C1orf94: variants seen among roughly 807,000 people sequenced by gnomAD.
The protein encoded by C1orf94 is chromosome 1 open reading frame 94.
A neutral mutation model predicts 53.6 loss-of-function variants in C1orf94; 45 were observed. The observed-to-expected ratio is 0.84, with a 90% CI of 0.66 to 1.08. The LOEUF is 1.08. Among genes scored for constraint, C1orf94 ranks in the 50% least tolerant of loss-of-function variants. C1orf94 has a pLI of 0.00. For synonymous variants in C1orf94, 304 were observed against 296.1 expected (o/e 1.03, Z -0.27); for missense variants, 762 against 738.9 (o/e 1.03, Z -0.36).
chr1:34,188,663 T>C (rs942004084), intron 1 of C1orf94, among the ~76,000 whole-genome samples: 3 of 152,170 alleles, frequency 2.0e-5, no homozygotes, highest in African/African-American at 7.2e-5. Flanking sequence ...ATAGCGCTCG[T>C]TACAATTTAC....
chr1:34,197,343 C>T lies in C1orf94; in HGVS notation c.439C>T (p.Pro147Ser). Residue 147 changes from proline to serine, a missense_variant, in exon 2 of 7, where the codon CCC (proline) becomes TCC (serine). Physicochemically the swap from Pro to Ser is moderately conservative, Grantham distance 74. Transcript: ENST00000488417. This position sits in a 1 kb window ranked among gnomAD's most constrained non-coding sequence, Gnocchi z 4.1. ...VEESSGELEV[P>S]GSSPEGTREL... ...AGAGAGTTCTGGGGAGCTGGAGGTA[C>T]CCGGCAGCTCTCCCGAGGGGACCAG... The T allele has an allele frequency of 1.3e-6, 2 of 1,593,972 alleles. No homozygotes were observed. The highest frequency in any genetic ancestry group is 1.1e-5 in the South Asian group (1 of 88,890).
chr1:34,175,639 G>T (rs749798646), upstream of C1orf94, among the ~76,000 whole-genome samples: 11 of 152,036 alleles, frequency 7.2e-5, no homozygotes, highest in African/African-American at 9.7e-5. Flanking sequence ...TGCGTATTGG[G>T]CACCTACTGT....
Position 34,197,753 on chromosome 1 carries a change from C to T in C1orf94, c.849C>T (p.Pro283=), listed in dbSNP as rs753421284. ...NLFSGPGPKE[P]TGLSPFLLLP... ...TCAGTGGCCCTGGACCCAAGGAGCCCACAGGGCTGAGCCCATTTCTGCTGC... is the reference window on the plus strand; with the variant it reads ...TCAGTGGCCCTGGACCCAAGGAGCCTACAGGGCTGAGCCCATTTCTGCTGC... Residue 283 remains proline, a synonymous_variant, in exon 2 of 7, where the codon CCC becomes CCT. Coordinates refer to ENST00000488417, the MANE Select transcript of C1orf94 (RefSeq NM_001134734.2). This position sits in a 1 kb window ranked among gnomAD's most constrained non-coding sequence, Gnocchi z 4.1. 6.8e-6 allele frequency: 11 copies of T among 1,614,174 alleles called. No individual in the cohort carries two copies. Among genetic ancestry groups the T allele is most frequent in the Non-Finnish European group, 9.3e-6 (11 of 1,180,022 alleles).
Position 34,202,074 on chromosome 1 carries a change from T to C in C1orf94, c.1271-10T>C. 1.9e-6 allele frequency: 3 copies of C among 1,611,848 alleles called. No homozygotes were observed. The highest frequency in any genetic ancestry group is 2.5e-6 in the Non-Finnish European group (3 of 1,178,850). ...TCACTGACCCGCTTTGCCTCTCCTGTGACTTGCAGTTAACGCACCTGTGAC... is the reference window on the plus strand; with the variant it reads ...TCACTGACCCGCTTTGCCTCTCCTGCGACTTGCAGTTAACGCACCTGTGAC... On this transcript the variant is annotated splice_polypyrimidine_tract_variant and intron_variant, in intron 3 of 6. Transcript: ENST00000488417.
At chr1:34,186,122 A>G (rs779630771) in intron 1 of C1orf94, among the ~76,000 whole-genome samples, 3 of 152,188 alleles carry the variant, frequency 2.0e-5, no homozygotes, top group Non-Finnish European at 4.4e-5. Flanking sequence ...GAAATAAACA[A>G]CTATGTCCCA....
rs1642236857 is a variant in C1orf94 at position 34,177,042 on chromosome 1, T to C, written c.-748T>C. ...CTGCCTTGCCGAGTCAGCGCGCTCT[T>C]GAGCCGCTGGGCCCTTCCCGGTGCC... On this transcript the variant is annotated 5_prime_UTR_variant, in exon 1 of 7. Coordinates refer to ENST00000488417, the MANE Select transcript of C1orf94 (RefSeq NM_001134734.2). Among the ~76,000 whole-genome samples the C allele has an allele frequency of 6.6e-6, 1 of 152,160 alleles. No homozygotes were observed. The highest frequency in any genetic ancestry group is 1.5e-5 in the Non-Finnish European group (1 of 68,022).
At position 34,212,325 on chromosome 1, in the gene C1orf94, C is replaced by T. The variant is rs1356125488; in HGVS notation, c.1640C>T (p.Pro547Leu). ...AATTATCCCTACCCTCAGAGGACAC[C>T]TCCAAAGATGTCTGCCAACCCCCGA... is the stretch of plus-strand genomic sequence containing the variant. The part of the protein sequence containing the change: ...QPNYPYPQRT[P>L]PKMSANPRDP... The change falls in exon 6 of 7, where the codon CCT becomes CTT. Residue 547 changes from proline to leucine, a missense_variant. Physicochemically the swap from Pro to Leu is moderately conservative, Grantham distance 98. Coordinates refer to ENST00000488417, the MANE Select transcript of C1orf94 (RefSeq NM_001134734.2). 3 of 1,613,736 alleles carry T rather than the reference C, an allele frequency of 1.9e-6. No homozygotes were observed. The African/African-American group carries it at 4.0e-5, about 22-fold the overall frequency.
At position 34,171,822 on chromosome 1, in the gene C1orf94, GT is replaced by G. The variant is rs557405663; in HGVS notation, c.-251+4652del. Among the ~76,000 whole-genome samples the G allele has an allele frequency of 2.4e-4, 37 of 152,148 alleles. 1 individual carries two copies. The highest frequency in any genetic ancestry group is 1.2e-3 in the Admixed American group (19 of 15,284). On this transcript the variant is annotated intron_variant, in intron 1 of 6. Transcript: ENST00000373374. ...GAAAACAAAAACTCTGCCACCCGAC[GT>G]GTTTCCATTTTTGCTTTAGCTGACA...
chr1:34,177,775 C>A lies in C1orf94; in HGVS notation c.-15C>A. ...CACTTCTGCCAAGCCCCATCCTCAT[C>A]TCCCTTTCTGGTGAATGAGGGGTGG... On this transcript the variant is annotated 5_prime_UTR_variant, in exon 1 of 7. Transcript: ENST00000488417. The A allele has an allele frequency of 1.3e-6, 2 of 1,519,660 alleles. No individual in the cohort carries two copies. The highest frequency in any genetic ancestry group is 1.8e-6 in the Non-Finnish European group (2 of 1,127,146). The allele number at this position is 1,519,660 out of a possible 1,614,324, so 94.1% of individuals were successfully genotyped here.
chr1:34,189,829 TCTGGCCC>T (rs1642453795), intron 1 of C1orf94, among the ~76,000 whole-genome samples: 2 of 152,248 alleles, frequency 1.3e-5, no homozygotes, highest in Admixed American at 6.5e-5. Context: ...GCTCCTGGCC[TCTGGCCC>T]TGCCTGAAAC....
Position 34,177,989 on chromosome 1 carries a change from A to G in C1orf94, c.200A>G (p.His67Arg). Residue 67 changes from histidine (H) to arginine (R), a missense_variant, in exon 1 of 7, where the codon CAT becomes CGT. Coordinates refer to ENST00000488417, the MANE Select transcript of C1orf94 (RefSeq NM_001134734.2). ...TPQDSLDKTC[H>R]EIWKRVQGLP... The stretch of plus-strand genomic sequence containing the variant: ...CAAGACAGCCTAGACAAGACTTGCC[A>G]TGAAATCTGGAAGAGAGTTCAAGGC... The G allele has an allele frequency of 6.4e-7, 1 of 1,551,734 alleles. No homozygotes were observed. The highest frequency in any genetic ancestry group is 8.7e-7 in the Non-Finnish European group (1 of 1,146,996).
Position 34,197,896 on chromosome 1 carries a change from A to C in C1orf94, c.992A>C (p.Glu331Ala). Residue 331 changes from glutamate to alanine, a missense_variant, in exon 2 of 7, where the codon GAG (glutamate) becomes GCG (alanine). Coordinates refer to ENST00000488417, the MANE Select transcript of C1orf94 (RefSeq NM_001134734.2). The surrounding 1 kb of genome is among the most constrained non-coding windows in gnomAD (Gnocchi z 4.1). Reference sequence around the variant, plus strand: ...AAGCCCAAGGCTGACCCTGCTGTGGAGAGGCACCACTTGATGGGTGAGTGG... The same window carrying C: ...AAGCCCAAGGCTGACCCTGCTGTGGCGAGGCACCACTTGATGGGTGAGTGG... ...CSKPKADPAV[E>A]RHHLMEWSPG... 1 of 1,613,660 alleles carries C rather than the reference A, an allele frequency of 6.2e-7. No homozygotes were observed. Among genetic ancestry groups the C allele is most frequent in the Admixed American group, 1.7e-5 (1 of 59,994 alleles).
chr1:34,202,339 A>G, intron 4 of C1orf94, 80 bp downstream of exon 4: 1 of 1,485,002 alleles, frequency 6.7e-7, no homozygotes, highest in Admixed American at 1.9e-5. Context: ...CAGGGGGTCT[A>G]TTTCACAGAG....
chr1:34,218,871 C>A lies in C1orf94; in HGVS notation c.*110C>A, dbSNP rs890390048. The A allele has an allele frequency of 1.6e-5, 14 of 886,802 alleles. No individual in the cohort carries two copies. Among genetic ancestry groups the A allele is most frequent in the African/African-American group, 3.4e-5 (2 of 59,374 alleles). 54.9% of individuals were successfully genotyped at this position (886,802 alleles called of 1,614,324 possible). On this transcript the variant is annotated 3_prime_UTR_variant, in exon 7 of 7. Transcript: ENST00000488417. ...AAGTTTGGAAAAGCAAGGTTCTGAC[C>A]AGGTCACAGACAAAACAGCAAGACC...
intron 1 of C1orf94, among the ~76,000 whole-genome samples, chr1:34,180,363 T>G (rs1642295167): frequency 6.6e-6 from 1 of 152,240 alleles, no homozygotes; most frequent in African/African-American, 2.4e-5. Context: ...TTCAAACACA[T>G]AGAATAATAA....
chr1:34,176,775 T>G (rs542270492), upstream of C1orf94, among the ~76,000 whole-genome samples: 2 of 152,266 alleles, frequency 1.3e-5, no homozygotes, highest in South Asian at 4.1e-4. Context: ...CTGAGATTTG[T>G]GTGGAGCGGC....
chr1:34,199,616 C>T (rs1369182330), intron 2 of C1orf94, among the ~76,000 whole-genome samples: 5 of 152,218 alleles, frequency 3.3e-5, no homozygotes, highest in African/African-American at 4.8e-5. Flanking sequence ...AGACAGATCC[C>T]GGTGCCTGCT....
chr1:34,204,759 T>A (rs1376148347), intron 4 of C1orf94, among the ~76,000 whole-genome samples: 1 of 152,156 alleles, frequency 6.6e-6, no homozygotes, highest in East Asian at 1.9e-4. Context: ...TCAGGTGTGG[T>A]GGCATGTGCC....
rs189668503 is a variant in C1orf94, at chr1:34,212,546, G to A, written c.1721+140G>A. The A allele has an allele frequency of 1.1e-4, 93 of 878,736 alleles. No individual in the cohort carries two copies. In the African/African-American group the frequency reaches 1.5e-3, roughly 14 times the overall value. The allele number at this position is 878,736 out of a possible 1,614,324, so 54.4% of individuals were successfully genotyped here. ...GGGATGGGCCCTGTACCTGTGGCTGGTGGTTGTGTGGGTCCTGGAGGGACC... is the reference window on the plus strand; with the variant it reads ...GGGATGGGCCCTGTACCTGTGGCTGATGGTTGTGTGGGTCCTGGAGGGACC... On this transcript the variant is annotated intron_variant, in intron 6 of 6. Transcript: ENST00000488417.
Sources: allele counts gnomAD v4.1 joint callset (sites outside exome capture counted in the v4.1 genomes callset), GRCh38; gene constraint gnomAD v4.1.1; non-coding constraint Gnocchi (gnomAD v3.1); transcripts MANE v1.5; gene names NCBI Gene and HGNC (gene_info 2026-07-23, HGNC 2026-07-21).